The following FAM240C variants were observed in gnomAD, a reference collection of about 807,000 sequenced individuals.
FAM240C encodes the protein protein FAM240C.
In FAM240C, 14 loss-of-function variants were observed where a neutral mutation model predicts 10.0. The observed-to-expected ratio is 1.40, with a 90% CI of 0.92 to 2.19. The LOEUF is 2.19. Ranked by LOEUF, FAM240C falls within the 30% of genes most tolerant of loss-of-function variation. The pLI, the probability that FAM240C is intolerant of heterozygous loss-of-function variation, is 0.00. For synonymous variants in FAM240C, 49 were observed against 44.3 expected (o/e 1.11, Z -0.42); for missense variants, 154 against 122.3 (o/e 1.26, Z -1.22).
chr2:241,900,586 G>A, upstream of FAM240C: 1 of 574,868 alleles, frequency 1.7e-6, no homozygotes, highest in Non-Finnish European at 3.1e-6. This position sits in a 1 kb window ranked among gnomAD's most constrained non-coding sequence, Gnocchi z 4.5. Flanking sequence ...GGCAGCATGG[G>A]AATCTGGAGG....
Position 241,894,152 on chromosome 2 carries a change from C to T in FAM240C, c.*61G>A, listed in dbSNP as rs1339980820. 89 of 1,511,306 alleles carry T rather than the reference C, an allele frequency of 5.9e-5. No homozygotes were observed. Among genetic ancestry groups the T allele is most frequent in the Middle Eastern group, 1.7e-4 (1 of 5,872 alleles). The allele number at this position is 1,511,306 out of a possible 1,614,324, so 93.6% of individuals were successfully genotyped here. ...CTGGCGTGGATGCTTGGACCCCACG[C>T]GTGGTGTTCCTTCTCCATGACCCTC... On this transcript the variant is annotated 3_prime_UTR_variant, in exon 3 of 3. Coordinates refer to ENST00000404031, the MANE Select transcript of FAM240C (RefSeq NM_001382368.1).
upstream of FAM240C, among the ~76,000 whole-genome samples, chr2:241,902,199 A>G (rs1321501202): frequency 6.6e-6 from 1 of 152,008 alleles, no homozygotes; most frequent in Admixed American, 6.5e-5. The surrounding 1 kb of genome is among the most constrained non-coding windows in gnomAD (Gnocchi z 7.1). Flanking sequence ...CTGTAGCACC[A>G]CGGAGGTTCT....
intron 2 of FAM240C, among the ~76,000 whole-genome samples, chr2:241,894,942 G>A (rs537930490): frequency 6.6e-6 from 1 of 152,350 alleles, no homozygotes; most frequent in South Asian, 2.1e-4. Flanking sequence ...GAATGGCCTG[G>A]TCAGAGTGGT....
upstream of FAM240C, chr2:241,902,407 C>A (rs1702006961): frequency 6.9e-6 from 1 of 145,410 alleles, no homozygotes; most frequent in African/African-American, 2.5e-5. This position sits in a 1 kb window ranked among gnomAD's most constrained non-coding sequence, Gnocchi z 7.1. Flanking sequence ...TCCGCCGCCG[C>A]CTCCCCTCCG....
In FAM240C at chr2:241,900,285, C is replaced by CT. The variant is rs1031577573; in HGVS notation, c.12+72dup. 141 of 714,446 alleles carry CT rather than the reference C, an allele frequency of 2.0e-4. 2 individuals are homozygous for CT. The highest frequency in any genetic ancestry group is 4.6e-4 in the Middle Eastern group (2 of 4,366). 44.3% of individuals were successfully genotyped at this position (714,446 alleles called of 1,614,324 possible). A position where few individuals can be genotyped will look rare whatever the true frequency, so the allele number is the denominator to read the frequency against. On this transcript the variant is annotated intron_variant, in intron 1 of 2. Transcript: ENST00000404031. This position sits in a 1 kb window ranked among gnomAD's most constrained non-coding sequence, Gnocchi z 4.5. The stretch of plus-strand genomic sequence containing the variant: ...CAGATATGTCACATACTCTGTTCAC[C>CT]TTTTGGGGGCCCCCAAATGCAGCGC...
chr2:241,899,149 G>C, intron 1 of FAM240C: 1 of 1,304,290 alleles, frequency 7.7e-7, no homozygotes, highest in Non-Finnish European at 1.0e-6. Context: ...GTGCCTTCTG[G>C]AGCTCGGCTC....
chr2:241,897,209 C>G lies in FAM240C; in HGVS notation c.138G>C (p.Arg46Ser). ...HARHLQNEDI[R>S]VRRSALNKLR... The stretch of plus-strand genomic sequence containing the variant: ...ACTTGTTCAGAGCGCTTCTGCGAAC[C>G]CTGATGTCCTCGTTCTGCAGGTGTC... The change falls in exon 2 of 3, where the codon AGG becomes AGC. Residue 46 changes from arginine (R) to serine (S), a missense_variant. Transcript: ENST00000404031. 3 of 1,549,864 alleles carry G rather than the reference C, an allele frequency of 1.9e-6. No individual in the cohort carries two copies. The highest frequency in any genetic ancestry group is 2.6e-6 in the Non-Finnish European group (3 of 1,146,478).
chr2:241,894,635 C>T (rs186926782), intron 2 of FAM240C, among the ~76,000 whole-genome samples: 101 of 150,074 alleles, frequency 6.7e-4, no homozygotes, highest in East Asian at 6.5e-3. Context: ...ATGCCTTCCC[C>T]GGGAAGCAGC....
At chr2:241,901,983 G>A (rs1295040533), upstream of FAM240C, among the ~76,000 whole-genome samples, 1 of 152,194 alleles carries the variant, frequency 6.6e-6, no homozygotes, top group Non-Finnish European at 1.5e-5. The surrounding 1 kb of genome is among the most constrained non-coding windows in gnomAD (Gnocchi z 4.9). Flanking sequence ...GGGCGCCACC[G>A]TGCTGGCCGT....
upstream of FAM240C, chr2:241,902,355 GCC>G (rs1702004733): frequency 1.0e-5 from 1 of 98,422 alleles, no homozygotes; most frequent in Non-Finnish European, 2.1e-5. The surrounding 1 kb of genome is among the most constrained non-coding windows in gnomAD (Gnocchi z 7.1). Context: ...CTCCGCCGCC[GCC>G]TCCCCTCCGC....
chr2:241,894,830 C>T (rs1643818970), intron 2 of FAM240C, among the ~76,000 whole-genome samples: 1 of 152,138 alleles, frequency 6.6e-6, no homozygotes, highest in South Asian at 2.1e-4. Flanking sequence ...TGGGTGCCCA[C>T]TTCCTTCTCG....
intron 2 of FAM240C, 51 bp downstream of exon 2, chr2:241,897,135 G>C: frequency 6.5e-7 from 1 of 1,535,224 alleles, no homozygotes; most frequent in Non-Finnish European, 8.8e-7. Context: ...CCTGGGTGGC[G>C]AGCGTGGCTC....
At chr2:241,895,699 C>G (rs554469025) in intron 2 of FAM240C, among the ~76,000 whole-genome samples, 72 of 152,188 alleles carry the variant, frequency 4.7e-4, no homozygotes, top group Non-Finnish European at 6.0e-4. Context: ...AATGGAGGCT[C>G]TGCCAGCCCC....
intron 2 of FAM240C, among the ~76,000 whole-genome samples, chr2:241,896,331 C>T (rs1029251540): frequency 3.3e-5 from 5 of 152,218 alleles, no homozygotes. Flanking sequence ...GGCTTGGTAT[C>T]TGCCTTCCTG....
intron 2 of FAM240C, 24 bp from the exon 3 acceptor site, chr2:241,894,363 C>T: frequency 6.5e-7 from 1 of 1,529,300 alleles, no homozygotes; most frequent in East Asian, 2.5e-5. Flanking sequence ...ATAATTTCGG[C>T]ATTGTGAGTC....
At chr2:241,899,692 C>T (rs185796698) in intron 1 of FAM240C, among the ~76,000 whole-genome samples, 1 of 152,304 alleles carries the variant, frequency 6.6e-6, no homozygotes, top group African/African-American at 2.4e-5. Flanking sequence ...ACACTTAGCC[C>T]CCAAAGGCAG....
At chr2:241,899,361 G>C (rs553013068) in intron 1 of FAM240C, 2 of 984,352 alleles carry the variant, frequency 2.0e-6, no homozygotes, top group Non-Finnish European at 2.4e-6. Flanking sequence ...CAGAAACTTA[G>C]ACATGCAAAG....
intron 2 of FAM240C, among the ~76,000 whole-genome samples, chr2:241,895,437 C>T (rs915463282): frequency 6.6e-6 from 1 of 152,324 alleles, no homozygotes; most frequent in East Asian, 1.9e-4. Flanking sequence ...CGTGGGGTCC[C>T]GAGCCAGGGG....
rs1470863198 is a variant in FAM240C at position 241,897,245 on chromosome 2, C to G, written c.102G>C (p.Glu34Asp). 2.6e-6 allele frequency: 4 copies of G among 1,549,958 alleles called. No individual in the cohort carries two copies. The Admixed American group carries it at 7.8e-5, about 30-fold the overall frequency. ...GIKMFWEKKIEHHARHLQNED... is the reference protein window; with the variant it reads ...GIKMFWEKKIDHHARHLQNED... ...CGTTCTGCAGGTGTCTTGCGTGATGCTCGATTTTTTTCTCCCAAAACATCT... is the reference window on the plus strand; with the variant it reads ...CGTTCTGCAGGTGTCTTGCGTGATGGTCGATTTTTTTCTCCCAAAACATCT... Residue 34 changes from glutamate to aspartate, a missense_variant, in exon 2 of 3, where the codon GAG becomes GAC. Physicochemically the swap from Glu to Asp is conservative, Grantham distance 45. Coordinates refer to ENST00000404031, the MANE Select transcript of FAM240C (RefSeq NM_001382368.1).
Sources: allele counts gnomAD v4.1 joint callset (sites outside exome capture counted in the v4.1 genomes callset), GRCh38; gene constraint gnomAD v4.1.1; non-coding constraint Gnocchi (gnomAD v3.1); transcripts MANE v1.5; gene names NCBI Gene and HGNC (gene_info 2026-07-23, HGNC 2026-07-21).